Variants in ARHGAP10 observed in about 807,000 individuals in gnomAD.
The protein encoded by ARHGAP10 is Rho GTPase activating protein 10, also known as rho GTPase-activating protein 10.
Under a neutral mutation model 108.6 loss-of-function variants are expected in ARHGAP10, and 87 were observed. The observed-to-expected ratio is 0.80, with a 90% confidence interval of 0.67 to 0.96. The LOEUF (loss-of-function observed/expected upper bound fraction) is 0.96. Among genes scored for constraint, ARHGAP10 ranks in the 40% least tolerant of loss-of-function variants. ARHGAP10 has a pLI of 0.00. For missense variants in ARHGAP10, 939 were observed against 954.5 expected (o/e 0.98, Z 0.21); for synonymous variants, 347 against 341.1 (o/e 1.02, Z -0.19).
intron 10 of ARHGAP10, among the ~76,000 whole-genome samples, chr4:147,891,388 T>G (rs1735789951): frequency 6.6e-6 from 1 of 152,208 alleles, no homozygotes; most frequent in Non-Finnish European, 1.5e-5. Context: ...ATATGAAATG[T>G]GCAGGACAGA....
At chr4:147,848,170 C>T (rs1287931162) in intron 4 of ARHGAP10, among the ~76,000 whole-genome samples, 1 of 151,304 alleles carries the variant, frequency 6.6e-6, no homozygotes, top group East Asian at 2.0e-4. Context: ...AGTAGCTTAA[C>T]CACACAGATG....
At chr4:147,850,249 A>G (rs1733814122) in intron 4 of ARHGAP10, among the ~76,000 whole-genome samples, 1 of 152,234 alleles carries the variant, frequency 6.6e-6, no homozygotes, top group Non-Finnish European at 1.5e-5. Flanking sequence ...AGCGCTCTGT[A>G]AAATGAACCA....
intron 3 of ARHGAP10, among the ~76,000 whole-genome samples, chr4:147,834,868 C>A (rs1411846967): frequency 4.0e-5 from 6 of 151,794 alleles, no homozygotes; most frequent in African/African-American, 1.5e-4. Flanking sequence ...GGCTCCCTCC[C>A]CATTTTCTCT....
chr4:147,955,877 A>C (rs2126984675), intron 16 of ARHGAP10, among the ~76,000 whole-genome samples: 1 of 152,290 alleles, frequency 6.6e-6, no homozygotes, highest in East Asian at 1.9e-4. Flanking sequence ...TATTTGATAC[A>C]GACTGAATAA....
intron 18 of ARHGAP10, among the ~76,000 whole-genome samples, chr4:148,018,320 A>ATT (rs1741427692): frequency 6.6e-6 from 1 of 152,136 alleles, no homozygotes; most frequent in African/African-American, 2.4e-5. Context: ...ACTAAGAGGA[A>ATT]TTTGCATCCA....
chr4:147,797,171 A>G (rs1006944940), intron 1 of ARHGAP10, among the ~76,000 whole-genome samples: 3 of 152,048 alleles, frequency 2.0e-5, no homozygotes, highest in African/African-American at 7.2e-5. Flanking sequence ...TTTTCCTTTC[A>G]TTTAATTCTA....
At chr4:147,900,292 G>A (rs1305800996) in intron 10 of ARHGAP10, among the ~76,000 whole-genome samples, 2 of 152,168 alleles carry the variant, frequency 1.3e-5, no homozygotes, top group East Asian at 3.8e-4. Context: ...GAAAGAGGTT[G>A]AGATGCTGAT....
intron 13 of ARHGAP10, among the ~76,000 whole-genome samples, chr4:147,929,170 G>A (rs1737574924): frequency 6.6e-6 from 1 of 152,120 alleles, no homozygotes; most frequent in African/African-American, 2.4e-5. Context: ...TCTCATCTTT[G>A]TACAGCTCTA....
At chr4:147,941,873 C>T (rs1738176158) in intron 14 of ARHGAP10, among the ~76,000 whole-genome samples, 1 of 152,104 alleles carries the variant, frequency 6.6e-6, no homozygotes. Context: ...TTATTTCTTT[C>T]CTTTTATTCT....
intron 10 of ARHGAP10, among the ~76,000 whole-genome samples, chr4:147,905,215 G>A (rs1736433763): frequency 6.6e-6 from 1 of 152,156 alleles, no homozygotes; most frequent in East Asian, 1.9e-4. Context: ...TTCTTTTGCT[G>A]TGCAGAAGCT....
At chr4:147,798,740 T>C (rs1339855408) in intron 1 of ARHGAP10, among the ~76,000 whole-genome samples, 1 of 12,366 alleles carries the variant, frequency 8.1e-5, no homozygotes, top group Non-Finnish European at 2.4e-4. Context: ...TCTCTCTCTC[T>C]CTCTCTCTCT....
chr4:147,879,453 G>C (rs1695832128), intron 9 of ARHGAP10, 115 bp downstream of exon 9: 3 of 869,158 alleles, frequency 3.5e-6, no homozygotes, highest in African/African-American at 1.7e-5. Context: ...TAAATAAATT[G>C]TTAGTATTAA....
intron 20 of ARHGAP10, among the ~76,000 whole-genome samples, chr4:148,062,384 G>T (rs911786800): frequency 6.6e-6 from 1 of 152,230 alleles, no homozygotes; most frequent in Non-Finnish European, 1.5e-5. Context: ...GGGTGCTGCA[G>T]ACAGGGAACA....
chr4:147,837,710 G>C (rs113203146), intron 3 of ARHGAP10, among the ~76,000 whole-genome samples: 2,262 of 140,462 alleles, frequency 0.016, 31 homozygotes, highest in South Asian at 0.036. Flanking sequence ...CATCTCATTA[G>C]TGGAACCCTA....
chr4:148,065,914 G>A (rs2149692392), intron 22 of ARHGAP10, among the ~76,000 whole-genome samples: 1 of 150,242 alleles, frequency 6.7e-6, no homozygotes, highest in East Asian at 2.0e-4. Context: ...CAGAGGCTGA[G>A]GCAGGAGGAT....
intron 19 of ARHGAP10, among the ~76,000 whole-genome samples, chr4:148,028,080 G>A (rs902030888): frequency 2.0e-5 from 3 of 152,112 alleles, no homozygotes; most frequent in South Asian, 4.1e-4. Context: ...AAGAAACAAC[G>A]TGGCAGTAAG....
chr4:148,016,386 C>G (rs10213171), intron 18 of ARHGAP10, among the ~76,000 whole-genome samples: 18,161 of 151,854 alleles, frequency 0.12, 1,684 homozygotes, highest in African/African-American at 0.26. Flanking sequence ...GCCTAAAGTC[C>G]TAATTACTTA....
intron 20 of ARHGAP10, among the ~76,000 whole-genome samples, chr4:148,061,921 AG>A (rs1729637788): frequency 6.6e-6 from 1 of 152,142 alleles, no homozygotes; most frequent in African/African-American, 2.4e-5. Context: ...CCTTCAGGGA[AG>A]GTGTATGGGT....
intron 19 of ARHGAP10, among the ~76,000 whole-genome samples, chr4:148,025,787 G>A (rs1741743421): frequency 6.6e-6 from 1 of 151,850 alleles, no homozygotes; most frequent in Non-Finnish European, 1.5e-5. Flanking sequence ...ACGACTTGAA[G>A]GTTTCAAAAA....
Sources: gnomAD v4.1 joint callset for allele counts (sites outside exome capture counted in the v4.1 genomes callset) on GRCh38, gnomAD v4.1.1 for gene constraint, MANE v1.5 for transcripts, NCBI Gene and HGNC (gene_info 2026-07-23, HGNC 2026-07-21) for gene names.